The following CTNNA2 variants were observed in gnomAD, a reference collection of about 807,000 sequenced individuals.
The protein encoded by CTNNA2 is catenin alpha 2.
A neutral mutation model predicts 101.0 loss-of-function variants in CTNNA2; 42 were observed. That is an observed-to-expected ratio of 0.42 (90% CI 0.32 to 0.54). CTNNA2 has a LOEUF of 0.54. Among genes scored for constraint, CTNNA2 ranks in the 20% least tolerant of loss-of-function variants. The pLI is 0.14. For synonymous variants in CTNNA2, 450 were observed against 456.4 expected, an observed-to-expected ratio of 0.99 and a Z score of 0.18; for missense variants, 871 against 1,223.1, an observed-to-expected ratio of 0.71 and a Z score of 4.29.
intron 3 of CTNNA2, among the ~76,000 whole-genome samples, chr2:79,812,638 C>T (rs879794806): frequency 2.6e-5 from 4 of 152,114 alleles, no homozygotes; most frequent in Non-Finnish European, 4.4e-5. Flanking sequence ...CATGCATCTT[C>T]GGCTGTTTTG....
intron 10 of CTNNA2, among the ~76,000 whole-genome samples, chr2:80,545,414 G>T (rs1691962456): frequency 6.6e-6 from 1 of 151,834 alleles, no homozygotes; most frequent in Non-Finnish European, 1.5e-5. Context: ...TGTGGTGGGG[G>T]CATTCCTGTA....
At chr2:79,975,127 A>G (rs1269254061) in intron 7 of CTNNA2, among the ~76,000 whole-genome samples, 1 of 150,554 alleles carries the variant, frequency 6.6e-6, no homozygotes, top group Non-Finnish European at 1.5e-5. Flanking sequence ...ACAATCTGAA[A>G]TAAATGGATA....
intron 1 of CTNNA2, among the ~76,000 whole-genome samples, chr2:79,637,661 A>C (rs966084624): frequency 2.0e-5 from 3 of 152,200 alleles, no homozygotes; most frequent in Admixed American, 2.0e-4. Flanking sequence ...AGTTATCTTA[A>C]ACAATACCTT....
intron 9 of CTNNA2, among the ~76,000 whole-genome samples, chr2:80,478,355 C>T (rs1011119777): frequency 3.3e-5 from 5 of 152,010 alleles, no homozygotes; most frequent in Non-Finnish European, 7.4e-5. Context: ...GTCTTTTTAT[C>T]TGTTGATTAT....
intron 2 of CTNNA2, among the ~76,000 whole-genome samples, chr2:79,297,874 C>T (rs888948499): frequency 6.6e-6 from 1 of 152,198 alleles, no homozygotes; most frequent in Non-Finnish European, 1.5e-5. Flanking sequence ...TATCCACACT[C>T]ATTGGAAACA....
At chr2:80,524,164 C>A (rs1446658926) in intron 9 of CTNNA2, among the ~76,000 whole-genome samples, 1 of 152,034 alleles carries the variant, frequency 6.6e-6, no homozygotes, top group African/African-American at 2.4e-5. Context: ...GGGAGACAGA[C>A]CATTGAATAT....
At chr2:80,369,406 T>C (rs549980675) in intron 7 of CTNNA2, among the ~76,000 whole-genome samples, 2 of 152,262 alleles carry the variant, frequency 1.3e-5, no homozygotes, top group African/African-American at 4.8e-5. Flanking sequence ...GAACCTGTTC[T>C]ACGCAAGTGC....
chr2:79,635,130 T>C (rs1679936373), intron 1 of CTNNA2, among the ~76,000 whole-genome samples: 1 of 151,864 alleles, frequency 6.6e-6, no homozygotes, highest in African/African-American at 2.4e-5. Context: ...GCAGCGGTGG[T>C]GGAGAGAGAA....
intron 9 of CTNNA2, among the ~76,000 whole-genome samples, chr2:80,440,252 T>C (rs2149440501): frequency 6.6e-6 from 1 of 152,302 alleles, no homozygotes; most frequent in African/African-American, 2.4e-5. Context: ...TGCAAGTATT[T>C]GCTCAGAAAT....
intron 1 of CTNNA2, among the ~76,000 whole-genome samples, chr2:79,520,386 G>A (rs1469552381): frequency 6.6e-6 from 1 of 152,078 alleles, no homozygotes; most frequent in Non-Finnish European, 1.5e-5. Context: ...ATCAATCTAT[G>A]ATTTTGAGTA....
At chr2:79,328,020 C>A (rs1676786236) in intron 3 of CTNNA2, among the ~76,000 whole-genome samples, 1 of 151,940 alleles carries the variant, frequency 6.6e-6, no homozygotes, top group Non-Finnish European at 1.5e-5. Context: ...TCTTGGGAGT[C>A]CAGGCAGCAG....
chr2:80,628,603 C>A (rs550403661), intron 18 of CTNNA2, among the ~76,000 whole-genome samples: 1 of 151,976 alleles, frequency 6.6e-6, no homozygotes, highest in Non-Finnish European at 1.5e-5. Context: ...AAAACCTATT[C>A]TTTGTAGTTT....
chr2:79,845,926 A>G (rs574144646), intron 3 of CTNNA2, among the ~76,000 whole-genome samples: 6 of 152,184 alleles, frequency 3.9e-5, no homozygotes, highest in African/African-American at 9.7e-5. Context: ...CCCACAGTTT[A>G]GTAAAGAGGC....
At chr2:79,324,953 A>G (rs1676712595) in intron 3 of CTNNA2, among the ~76,000 whole-genome samples, 1 of 152,164 alleles carries the variant, frequency 6.6e-6, no homozygotes. Flanking sequence ...TCGGCAGAGT[A>G]TGGTATTGCT....
intron 8 of CTNNA2, among the ~76,000 whole-genome samples, chr2:80,409,321 T>A (rs1428529529): frequency 6.6e-6 from 1 of 152,022 alleles, no homozygotes; most frequent in Non-Finnish European, 1.5e-5. Flanking sequence ...TGCAATATGA[T>A]GTGAAAGAAA....
intron 3 of CTNNA2, among the ~76,000 whole-genome samples, chr2:79,827,773 T>C (rs1008585008): frequency 6.6e-6 from 1 of 152,156 alleles, no homozygotes; most frequent in Admixed American, 6.6e-5. Flanking sequence ...CAAAGGAATA[T>C]GAAAAGAAAA....
At chr2:79,794,201 G>T (rs1675514459) in intron 3 of CTNNA2, among the ~76,000 whole-genome samples, 3 of 152,090 alleles carry the variant, frequency 2.0e-5, no homozygotes, top group African/African-American at 7.2e-5. Flanking sequence ...AAGAAAACAG[G>T]ACTTCAGAGA....
chr2:79,982,368 T>TATATATAAC (rs1213694805), intron 7 of CTNNA2, among the ~76,000 whole-genome samples: 15 of 113,558 alleles, frequency 1.3e-4, no homozygotes, highest in Admixed American at 3.4e-4. Context: ...CTATATAACA[T>TATATATAAC]ATATATAACA....
intron 9 of CTNNA2, among the ~76,000 whole-genome samples, chr2:80,485,246 A>G (rs909277227): frequency 3.9e-5 from 6 of 152,162 alleles, no homozygotes; most frequent in African/African-American, 1.4e-4. Context: ...TTGTTTTTGG[A>G]AGTTAAGTGA....
Sources: gnomAD v4.1 joint callset for allele counts (sites outside exome capture counted in the v4.1 genomes callset) on GRCh38, gnomAD v4.1.1 for gene constraint, MANE v1.5 for transcripts, NCBI Gene and HGNC (gene_info 2026-07-23, HGNC 2026-07-21) for gene names.